Variants in ALS2CL observed in about 807,000 individuals in gnomAD.
The protein encoded by ALS2CL is ALS2 C-terminal like.
ALS2CL carries 112 observed loss-of-function variants against 127.9 expected under a neutral mutation model. The observed-to-expected ratio is 0.88, with a 90% confidence interval of 0.75 to 1.02. The LOEUF is 1.02. ALS2CL is among the 50% of genes least tolerant of loss of function. ALS2CL has a pLI of 0.00. For synonymous variants in ALS2CL, 519 were observed against 527.6 expected, an observed-to-expected ratio of 0.98 and a Z score of 0.22; for missense variants, 1,174 against 1,236.7, an observed-to-expected ratio of 0.95 and a Z score of 0.76.
At chr3:46,689,503 A>G in intron 1 of ALS2CL, 38 bp from the exon 2 acceptor site, 1 of 1,395,518 alleles carries the variant, frequency 7.2e-7, no homozygotes, top group Non-Finnish European at 9.8e-7. Flanking sequence ...TAGCACAGAC[A>G]GGAGCAAGGC....
At chr3:46,691,748 G>T (rs1700169819) in intron 1 of ALS2CL, among the ~76,000 whole-genome samples, 1 of 147,624 alleles carries the variant, frequency 6.8e-6, no homozygotes, top group Non-Finnish European at 1.5e-5. Flanking sequence ...TTTAGAGATG[G>T]GATCTCACTA....
At position 46,681,650 on chromosome 3, in the gene ALS2CL, T is replaced by G. The variant is rs758205427; in HGVS notation, c.1176-52A>C. On this transcript the variant is annotated intron_variant, in intron 11 of 25. Coordinates refer to ENST00000318962, the MANE Select transcript of ALS2CL (RefSeq NM_147129.5). This position sits in a 1 kb window ranked among gnomAD's most constrained non-coding sequence, Gnocchi z 4.9. ...ATCAGCCCTGACCTGAGACGCCCAT[T>G]ACACCTACTCCATGCCACCCAGGAG... 135 of 1,574,418 alleles carry G rather than the reference T, an allele frequency of 8.6e-5. No individual in the cohort carries two copies. Among genetic ancestry groups the G allele is most frequent in the Non-Finnish European group, 1.1e-4 (127 of 1,146,164 alleles).
chr3:46,687,526 C>T (rs1699877126), intron 4 of ALS2CL, 93 bp downstream of exon 4: 2 of 1,410,142 alleles, frequency 1.4e-6, no homozygotes, highest in African/African-American at 1.4e-5. Context: ...TGGGCTGTGA[C>T]ACCTGCTGCT....
chr3:46,683,473 C>A (rs868129621), intron 9 of ALS2CL, 147 bp from the exon 10 acceptor site: 12 of 868,032 alleles, frequency 1.4e-5, no homozygotes, highest in African/African-American at 1.0e-4. Context: ...TCAACTGCTT[C>A]TTGCTACTCT....
Position 46,686,750 on chromosome 3 carries a change from T to C in ALS2CL, c.534+233A>G, listed in dbSNP as rs7372799. ...AGGGCAGTGCTTTCACCCACTAAGATTCCCTAGGACAGAACCATGTCTTCG... is the reference window on the plus strand; with the variant it reads ...AGGGCAGTGCTTTCACCCACTAAGACTCCCTAGGACAGAACCATGTCTTCG... On this transcript the variant is annotated intron_variant, in intron 5 of 25. Transcript: ENST00000318962. This position sits in a 1 kb window ranked among gnomAD's most constrained non-coding sequence, Gnocchi z 4.3. Among the ~76,000 whole-genome samples, 63,331 of 151,790 alleles carry C rather than the reference T, an allele frequency of 0.42. 14,948 individuals are homozygous for C. The highest frequency in any genetic ancestry group is 0.65 in the African/African-American group (27,048 of 41,370).
At chr3:46,677,479 GTGTC>G in intron 16 of ALS2CL, 1 of 846,808 alleles carries the variant, frequency 1.2e-6, no homozygotes, top group Non-Finnish European at 1.4e-6. Flanking sequence ...CTGCACTCCA[GTGTC>G]ATGCTCGTAG....
intron 7 of ALS2CL, among the ~76,000 whole-genome samples, chr3:46,684,252 C>T (rs1200976801): frequency 3.9e-5 from 6 of 152,182 alleles, no homozygotes; most frequent in African/African-American, 1.4e-4. Flanking sequence ...AGAGCTTGGC[C>T]AGGAACTCAG....
rs776979543 is a variant in ALS2CL, at chr3:46,676,416, T to C, written c.2029-14A>G. ...GTTGCTCAGAGCCTGGGCCAGTGCA[T>C]AGGCAACAGAGAGAGACTAAGCACT... On this transcript the variant is annotated splice_polypyrimidine_tract_variant and intron_variant, in intron 18 of 25. Transcript: ENST00000318962. 1.2e-6 allele frequency: 2 copies of C among 1,613,580 alleles called. No individual in the cohort carries two copies. Among genetic ancestry groups the C allele is most frequent in the Admixed American group, 3.3e-5 (2 of 59,988 alleles).
Position 46,676,737 on chromosome 3 carries a change from T to C in ALS2CL, c.1933A>G (p.Thr645Ala). ...RSQDYLSCER[T>A]HPEDSVGSME... ...CTGCCCACACTGTCCTCAGGGTGGG[T>C]CCTGGGCACCACACACAGCATCCCT... Residue 645 changes from threonine (T) to alanine (A), a missense_variant and splice_region_variant, in exon 18 of 26, where the codon ACC (threonine) becomes GCC (alanine). By Grantham distance (58) the Thr-to-Ala change is moderately conservative (BLOSUM62 0). Transcript: ENST00000318962. 6.2e-7 allele frequency: 1 copy of C among 1,613,290 alleles called. No homozygotes were observed. Among genetic ancestry groups the C allele is most frequent in the Non-Finnish European group, 8.5e-7 (1 of 1,179,864 alleles).
chr3:46,683,967 G>A (rs1294642353), intron 8 of ALS2CL, 22 bp downstream of exon 8: 1 of 1,604,740 alleles, frequency 6.2e-7, no homozygotes, highest in South Asian at 1.1e-5. Context: ...GGCCTGGGGT[G>A]TCAGCCGAGG....
intron 1 of ALS2CL, 98 bp downstream of exon 1, chr3:46,693,545 A>C (rs987057732): frequency 7.9e-5 from 12 of 152,330 alleles, no homozygotes; most frequent in Non-Finnish European, 1.8e-4. Context: ...CTGGGCGGGG[A>C]CCGCAGCAGC....
chr3:46,674,806 G>A lies in ALS2CL; in HGVS notation c.2256-67C>T, dbSNP rs148258935. The A allele has an allele frequency of 8.0e-4, 1,130 of 1,415,682 alleles. 4 individuals carry two copies. The African/African-American group carries it at 0.01, about 13-fold the overall frequency. 87.7% of individuals were successfully genotyped at this position (1,415,682 alleles called of 1,614,324 possible). On this transcript the variant is annotated intron_variant, in intron 20 of 25. Coordinates refer to ENST00000318962, the MANE Select transcript of ALS2CL (RefSeq NM_147129.5). ...GTCTGGGATTACTACTTGGAGTCTC[G>A]TCTCAAAGAGCTCCTAGTTCCACAA...
At chr3:46,688,343 A>G in intron 2 of ALS2CL, 47 bp from the exon 3 acceptor site, 2 of 1,573,362 alleles carry the variant, frequency 1.3e-6, no homozygotes, top group Non-Finnish European at 1.7e-6. Flanking sequence ...CGTGGGCTCC[A>G]TCTCCCAGGG....
chr3:46,682,447 T>C (rs1412790021), intron 10 of ALS2CL, among the ~76,000 whole-genome samples: 1 of 152,192 alleles, frequency 6.6e-6, no homozygotes, highest in East Asian at 1.9e-4. Flanking sequence ...TCCTCCCCAC[T>C]TCTGTGTTTT....
At position 46,681,308 on chromosome 3, in the gene ALS2CL, C is replaced by A; in HGVS notation, c.1374G>T (p.Arg458Ser). ...ESGPQAPQPF[R>S]YTGHWERGQR... ...GGCCCCTCTCCCAGTGGCCCGTGTA[C>A]CTGAAGGGCTGGGGGGCCTGCGGAC... Residue 458 changes from arginine (R) to serine (S), a missense_variant, in exon 13 of 26, where the codon AGG (arginine) becomes AGT (serine). By Grantham distance (110) the Arg-to-Ser change is moderately radical. Coordinates refer to ENST00000318962, the MANE Select transcript of ALS2CL (RefSeq NM_147129.5). The surrounding 1 kb of genome is among the most constrained non-coding windows in gnomAD (Gnocchi z 4.9). 1.2e-6 allele frequency: 2 copies of A among 1,613,894 alleles called. No homozygotes were observed. The highest frequency in any genetic ancestry group is 1.7e-6 in the Non-Finnish European group (2 of 1,179,920).
rs1234478874 is a variant in ALS2CL at position 46,677,864 on chromosome 3, C to T, written c.1757+395G>A. 2.0e-5 allele frequency among the ~76,000 whole-genome samples: 3 copies of T among 152,186 alleles called. No homozygotes were observed. In the East Asian group the frequency reaches 5.8e-4, roughly 29 times the overall value. Reference sequence around the variant, plus strand: ...CCTTGGCTGCCAGGAAACTCAGAGCCAGGCTCAATGATCAGTTGTAAATGC... The same window carrying T: ...CCTTGGCTGCCAGGAAACTCAGAGCTAGGCTCAATGATCAGTTGTAAATGC... On this transcript the variant is annotated intron_variant, in intron 16 of 25. Coordinates refer to ENST00000318962, the MANE Select transcript of ALS2CL (RefSeq NM_147129.5).
intron 14 of ALS2CL, chr3:46,680,124 CTG>C: frequency 2.8e-6 from 1 of 363,574 alleles, no homozygotes; most frequent in Non-Finnish European, 5.2e-6. Context: ...AGTTAGGACT[CTG>C]TGAATGTCAG....
Position 46,672,181 on chromosome 3 carries a change from G to A in ALS2CL, c.2493C>T (p.Asp831=). The change falls in exon 23 of 26, where the codon GAC becomes GAT. Residue 831 remains aspartate, a synonymous_variant. Transcript: ENST00000318962. ...TSNQRYSLVR[D]KCFLSATECL... is the part of the protein sequence containing the mutation. Reference sequence around the variant, plus strand: ...ACTCGGTGGCTGACAGGAAACACTTGTCCCTGACCAGGGAGTACCTCTGCA... The same window carrying A: ...ACTCGGTGGCTGACAGGAAACACTTATCCCTGACCAGGGAGTACCTCTGCA... The A allele has an allele frequency of 6.2e-7, 1 of 1,614,084 alleles. No individual in the cohort carries two copies. The highest frequency in any genetic ancestry group is 8.5e-7 in the Non-Finnish European group (1 of 1,180,016).
intron 9 of ALS2CL, among the ~76,000 whole-genome samples, 168 bp from the exon 10 acceptor site, chr3:46,683,494 C>T (rs1280538359): frequency 6.6e-6 from 1 of 152,224 alleles, no homozygotes; most frequent in Non-Finnish European, 1.5e-5. Flanking sequence ...CTGGGCCCTC[C>T]ACCCAACCTG....
Sources: allele counts gnomAD v4.1 joint callset (sites outside exome capture counted in the v4.1 genomes callset), GRCh38; gene constraint gnomAD v4.1.1; non-coding constraint Gnocchi (gnomAD v3.1); transcripts MANE v1.5; gene names NCBI Gene and HGNC (gene_info 2026-07-23, HGNC 2026-07-21).